The following ARHGAP10 variants were observed in gnomAD, a reference collection of about 807,000 sequenced individuals.
ARHGAP10 encodes the protein rho GTPase-activating protein 10.
ARHGAP10 carries 87 observed loss-of-function variants against 108.6 expected under a neutral mutation model. That is an observed-to-expected ratio of 0.80 (90% CI 0.67 to 0.96). ARHGAP10 has a LOEUF of 0.96. Ranked by LOEUF, ARHGAP10 falls within the 40% of genes least tolerant of loss-of-function variation. ARHGAP10 has a pLI of 0.00. For missense variants in ARHGAP10, 939 were observed against 954.5 expected (o/e 0.98, Z 0.21); for synonymous variants, 347 against 341.1 (o/e 1.02, Z -0.19).
intron 20 of ARHGAP10, among the ~76,000 whole-genome samples, chr4:148,049,833 GGGGGGGC>G (rs1185275241): frequency 0.21 from 25,423 of 121,472 alleles, 3,985 homozygotes; most frequent in African/African-American, 0.43. Flanking sequence ...TTTTTTGGGT[GGGGGGGC>G]GGGGGGCGGG....
intron 4 of ARHGAP10, among the ~76,000 whole-genome samples, chr4:147,849,593 G>C (rs1475246640): frequency 6.6e-6 from 1 of 152,178 alleles, no homozygotes; most frequent in Admixed American, 6.5e-5. Flanking sequence ...TCAACATTTT[G>C]ATCTTTCCCC....
intron 16 of ARHGAP10, among the ~76,000 whole-genome samples, chr4:147,959,900 A>T (rs977395601): frequency 3.3e-5 from 5 of 152,224 alleles, no homozygotes; most frequent in African/African-American, 1.2e-4. Context: ...TTCACTGGAA[A>T]AAGATGATTA....
At chr4:147,961,864 C>G (rs1419489010) in intron 16 of ARHGAP10, among the ~76,000 whole-genome samples, 12 of 152,130 alleles carry the variant, frequency 7.9e-5, no homozygotes. Context: ...GACATCGTAC[C>G]TCCCTGGTCC....
At chr4:148,052,392 C>CTTT (rs35449374) in intron 20 of ARHGAP10, among the ~76,000 whole-genome samples, 1,848 of 90,620 alleles carry the variant, frequency 0.02, 57 homozygotes, top group African/African-American at 0.071. Context: ...TGCACATTTG[C>CTTT]TTTTTTTTTT....
intron 4 of ARHGAP10, among the ~76,000 whole-genome samples, chr4:147,851,407 C>T (rs1733872662): frequency 6.6e-6 from 1 of 152,076 alleles, no homozygotes; most frequent in Non-Finnish European, 1.5e-5. Context: ...TAGAGACGGT[C>T]TCTCTGTGTT....
chr4:147,763,988 C>A (rs554098347), intron 1 of ARHGAP10, among the ~76,000 whole-genome samples: 4 of 152,086 alleles, frequency 2.6e-5, no homozygotes, highest in African/African-American at 9.7e-5. Flanking sequence ...CTCCTGACCT[C>A]GGGTGATCTG....
intron 1 of ARHGAP10, among the ~76,000 whole-genome samples, chr4:147,756,933 T>C (rs1184269044): frequency 1.3e-5 from 2 of 151,486 alleles, no homozygotes; most frequent in Admixed American, 1.3e-4. Flanking sequence ...CATTCATGAA[T>C]GCCTGGTATA....
intron 5 of ARHGAP10, among the ~76,000 whole-genome samples, chr4:147,859,496 A>T (rs1208768837): frequency 4.1e-5 from 6 of 147,692 alleles, no homozygotes; most frequent in Admixed American, 1.4e-4. Context: ...CTGTTCTTGA[A>T]CTCCTGACCT....
chr4:147,937,709 T>C (rs1246833459), intron 13 of ARHGAP10, among the ~76,000 whole-genome samples: 1 of 152,124 alleles, frequency 6.6e-6, no homozygotes, highest in Non-Finnish European at 1.5e-5. Context: ...GTCAGGCGTA[T>C]TGGCTCATGC....
At chr4:147,856,616 A>G (rs1734093771) in intron 4 of ARHGAP10, among the ~76,000 whole-genome samples, 1 of 152,216 alleles carries the variant, frequency 6.6e-6, no homozygotes, top group South Asian at 2.1e-4. Flanking sequence ...AGGTGTATAC[A>G]AAACAGAAAT....
intron 19 of ARHGAP10, among the ~76,000 whole-genome samples, chr4:148,036,102 GTGTA>G (rs200477049): frequency 2.6e-5 from 4 of 151,730 alleles, no homozygotes; most frequent in African/African-American, 4.8e-5. Flanking sequence ...GTGTGTGTGT[GTGTA>G]TACTTTTCCA....
chr4:148,039,673 CTTTTTA>C (rs2149675456), intron 19 of ARHGAP10, among the ~76,000 whole-genome samples: 1 of 151,958 alleles, frequency 6.6e-6, no homozygotes, highest in East Asian at 1.9e-4. Flanking sequence ...GATTCTTTTT[CTTTTTA>C]TATGATCTGC....
At chr4:147,874,234 G>T (rs1234423545) in intron 7 of ARHGAP10, among the ~76,000 whole-genome samples, 1 of 152,168 alleles carries the variant, frequency 6.6e-6, no homozygotes, top group Non-Finnish European at 1.5e-5. Flanking sequence ...CACATCAGCA[G>T]TTTTTTGGTA....
chr4:147,914,308 T>TCTGGCACCTACCTTCCTCCTTTC (rs1736868862), intron 13 of ARHGAP10, among the ~76,000 whole-genome samples: 2 of 152,184 alleles, frequency 1.3e-5, no homozygotes, highest in South Asian at 4.1e-4. Flanking sequence ...TGAGTTCTTT[T>TCTGGCACCTACCTTCCTCCTTTC]CTGGCACCTA....
chr4:147,854,986 C>T (rs10013038), intron 4 of ARHGAP10: 445,909 of 469,800 alleles, frequency 0.95, 215,444 homozygotes, highest in Non-Finnish European at 1. Flanking sequence ...GTGTTTTGAC[C>T]GCTGATTAAA....
At chr4:147,966,579 T>C in intron 17 of ARHGAP10, 101 bp from the exon 18 acceptor site, 1 of 1,171,664 alleles carries the variant, frequency 8.5e-7, no homozygotes, top group African/African-American at 1.5e-5. Flanking sequence ...TTAAGTCTCT[T>C]GACCCCTTGC....
chr4:148,027,448 C>G (rs914719060), intron 19 of ARHGAP10, among the ~76,000 whole-genome samples: 1 of 152,134 alleles, frequency 6.6e-6, no homozygotes, highest in African/African-American at 2.4e-5. Flanking sequence ...TTTTGTTGAG[C>G]ATGTGTTATT....
intron 16 of ARHGAP10, among the ~76,000 whole-genome samples, chr4:147,955,740 G>T (rs115728728): frequency 6.6e-6 from 1 of 152,086 alleles, no homozygotes; most frequent in Non-Finnish European, 1.5e-5. Context: ...TTTAATTTGC[G>T]AAAGGTTGTG....
intron 20 of ARHGAP10, among the ~76,000 whole-genome samples, chr4:148,051,021 G>A (rs1313668173): frequency 2.0e-5 from 3 of 152,222 alleles, no homozygotes; most frequent in Non-Finnish European, 4.4e-5. Flanking sequence ...CAGTAGATCT[G>A]TTGAACAAAA....
Sources: gnomAD v4.1 joint callset for allele counts (sites outside exome capture counted in the v4.1 genomes callset) on GRCh38, gnomAD v4.1.1 for gene constraint, MANE v1.5 for transcripts, NCBI Gene and HGNC (gene_info 2026-07-23, HGNC 2026-07-21) for gene names.